Variants in RADIL observed in about 807,000 individuals in gnomAD.
RADIL encodes Rap associating with DIL domain.
Under a neutral mutation model 97.6 loss-of-function variants are expected in RADIL, and 99 were observed. The observed-to-expected ratio is 1.01, with a 90% confidence interval of 0.86 to 1.20. The LOEUF (loss-of-function observed/expected upper bound fraction) is 1.20, where lower values mean the gene tolerates loss of function less well. Ranked by LOEUF, RADIL falls within the 50% of genes most tolerant of loss-of-function variation. The pLI, the probability that RADIL is intolerant of heterozygous loss-of-function variation, is 0.00. For missense variants in RADIL, 1,765 were observed against 1,498.9 expected (o/e 1.18, Z -2.93); for synonymous variants, 803 against 691.8 (o/e 1.16, Z -2.52).
intron 11 of RADIL, among the ~76,000 whole-genome samples, chr7:4,802,715 A>T (rs1472021965): frequency 7.6e-5 from 3 of 39,482 alleles, no homozygotes; most frequent in South Asian, 9.5e-4. Flanking sequence ...TCCCCTCCCC[A>T]GGCACCTCGG....
At chr7:4,827,388 G>C (rs62450188) in intron 5 of RADIL, among the ~76,000 whole-genome samples, 1 of 147,142 alleles carries the variant, frequency 6.8e-6, no homozygotes, top group Non-Finnish European at 1.5e-5. Context: ...GGCCGGGTGC[G>C]GTGGCTCACG....
intron 2 of RADIL, among the ~76,000 whole-genome samples, chr7:4,845,575 T>C (rs1783546518): frequency 6.6e-6 from 1 of 152,166 alleles, no homozygotes; most frequent in African/African-American, 2.4e-5. Flanking sequence ...GGAGGTGACC[T>C]GACAGGTGAT....
chr7:4,825,643 G>A (rs531135259), intron 5 of RADIL, among the ~76,000 whole-genome samples: 3 of 152,070 alleles, frequency 2.0e-5, no homozygotes, highest in Non-Finnish European at 4.4e-5. Context: ...TTGGGAGGGC[G>A]AGGTGGGCAG....
chr7:4,839,104 GAGCAAGCTAC>G (rs1783380134), intron 2 of RADIL, among the ~76,000 whole-genome samples: 1 of 152,376 alleles, frequency 6.6e-6, no homozygotes, highest in South Asian at 2.1e-4. Context: ...CAGGGTGAAA[GAGCAAGCTAC>G]AGGTAACACG....
intron 1 of RADIL, among the ~76,000 whole-genome samples, chr7:4,882,474 G>A (rs1784506822): frequency 6.6e-6 from 1 of 152,208 alleles, no homozygotes; most frequent in South Asian, 2.1e-4. Flanking sequence ...TGTTCTCAAG[G>A]AAGGGTCCAG....
chr7:4,857,455 T>C (rs1371210375), intron 2 of RADIL, among the ~76,000 whole-genome samples: 1 of 152,238 alleles, frequency 6.6e-6, no homozygotes, highest in Non-Finnish European at 1.5e-5. Flanking sequence ...CTTGGTTTCA[T>C]TTCCATGACC....
At chr7:4,860,567 G>T in intron 2 of RADIL, 1 of 1,614,142 alleles carries the variant, frequency 6.2e-7, no homozygotes, top group Non-Finnish European at 8.5e-7. Context: ...ATTCACATGT[G>T]CCAGTGTAAT....
At chr7:4,868,314 G>A (rs972321156) in intron 2 of RADIL, among the ~76,000 whole-genome samples, 9 of 152,284 alleles carry the variant, frequency 5.9e-5, no homozygotes, top group South Asian at 2.1e-4. Context: ...CGCCCGCCTC[G>A]GCCTCCCAAA....
At chr7:4,811,839 G>C (rs1472610833) in intron 9 of RADIL, among the ~76,000 whole-genome samples, 1 of 151,688 alleles carries the variant, frequency 6.6e-6, no homozygotes, top group African/African-American at 2.4e-5. Flanking sequence ...TCTGGACCTT[G>C]AATCTTCTTC....
chr7:4,830,149 G>C (rs774785937), intron 5 of RADIL, among the ~76,000 whole-genome samples: 3 of 152,184 alleles, frequency 2.0e-5, no homozygotes, highest in Non-Finnish European at 4.4e-5. Context: ...GTGCGTGTGG[G>C]CATTTAACCA....
chr7:4,805,748 G>A (rs552104663), intron 9 of RADIL, 32 bp from the exon 10 acceptor site: 17 of 1,593,656 alleles, frequency 1.1e-5, no homozygotes, highest in Admixed American at 3.4e-5. Flanking sequence ...ATGGTCACAG[G>A]TCTCTGGGTG....
At chr7:4,799,573 A>T in intron 14 of RADIL, 57 bp downstream of exon 14, 1 of 1,608,924 alleles carries the variant, frequency 6.2e-7, no homozygotes, top group Non-Finnish European at 8.5e-7. Flanking sequence ...CCCCAGGTCC[A>T]CTCCCCTGAG....
chr7:4,850,299 T>TA (rs1783678100), intron 2 of RADIL, among the ~76,000 whole-genome samples: 1 of 141,120 alleles, frequency 7.1e-6, no homozygotes, highest in Non-Finnish European at 1.5e-5. Flanking sequence ...CCCTGCAGAA[T>TA]AATATAAGCA....
chr7:4,800,961 C>A, intron 12 of RADIL, among the ~76,000 whole-genome samples: 1 of 152,212 alleles, frequency 6.6e-6, no homozygotes, highest in East Asian at 1.9e-4. Context: ...GAGGCCAGGG[C>A]CGGCTGGGGC....
Position 4,836,376 on chromosome 7 carries a change from C to T in RADIL, c.765G>A (p.Gln255=). 1 of 1,574,050 alleles carries T rather than the reference C, an allele frequency of 6.4e-7. No homozygotes were observed. The highest frequency in any genetic ancestry group is 1.9e-5 in the Admixed American group (1 of 53,664). ...GGCTCACGTGCTGCTGGCTGTAGCC[C>T]TGCAGAAGGAGCAGATGCGGGGACT... ...LYQSPHLLLL[Q]GYSQQHDSLV... is the part of the protein sequence containing the mutation. The change falls in exon 3 of 15, where the codon CAG becomes CAA. Residue 255 remains glutamine, a synonymous_variant. Transcript: ENST00000399583.
chr7:4,856,361 C>T (rs572357378), intron 2 of RADIL, among the ~76,000 whole-genome samples: 4 of 152,312 alleles, frequency 2.6e-5, no homozygotes, highest in South Asian at 2.1e-4. Context: ...CCACCCGCCT[C>T]GACCTCCCAA....
chr7:4,798,691 C>G lies in RADIL; in HGVS notation c.*687G>C, dbSNP rs1005793442. Reference sequence around the variant, plus strand: ...GGCCGCCAGCCTGGTATCAGGGCCACGCTGGTGGCTTTAGTAGGGGAGAGG... The same window carrying G: ...GGCCGCCAGCCTGGTATCAGGGCCAGGCTGGTGGCTTTAGTAGGGGAGAGG... On this transcript the variant is annotated 3_prime_UTR_variant, in exon 15 of 15. Coordinates refer to ENST00000399583, the MANE Select transcript of RADIL (RefSeq NM_018059.5). The G allele has an allele frequency of 1.3e-5, 2 of 152,482 alleles. No individual in the cohort carries two copies. The highest frequency in any genetic ancestry group is 1.3e-4 in the Admixed American group (2 of 15,284). The allele number at this position is 152,482 out of a possible 1,614,324, so 9.4% of individuals were successfully genotyped here. A position where few individuals can be genotyped will look rare whatever the true frequency, so the allele number is the denominator to read the frequency against.
In RADIL at chr7:4,836,612, C is replaced by A. The variant is rs1320581018; in HGVS notation, c.536-7G>T. ...CGGGCCTGGGCGTTTATCCCTGGAA[C>A]AGAAGCAACACAAGGTGAACAGTTA... On this transcript the variant is annotated splice_region_variant and splice_polypyrimidine_tract_variant and intron_variant, in intron 2 of 14. Coordinates refer to ENST00000399583, the MANE Select transcript of RADIL (RefSeq NM_018059.5). 1 of 1,605,978 alleles carries A rather than the reference C, an allele frequency of 6.2e-7. No homozygotes were observed. The highest frequency in any genetic ancestry group is 1.7e-5 in the Admixed American group (1 of 59,898).
rs947919144 is a variant in RADIL, at chr7:4,822,325, G to A, written c.1615+69C>T. ...TCATGGCCAACTAGGTTCCGAGGAC[G>A]GCGAGGAGATGCCACACTCCCCTGC... On this transcript the variant is annotated intron_variant, in intron 6 of 14. Transcript: ENST00000399583. This position sits in a 1 kb window ranked among gnomAD's most constrained non-coding sequence, Gnocchi z 5.3. 5.1e-5 allele frequency: 76 copies of A among 1,497,520 alleles called. No individual in the cohort carries two copies. The Admixed American group carries it at 6.3e-4, about 12-fold the overall frequency. The allele number at this position is 1,497,520 out of a possible 1,614,324, so 92.8% of individuals were successfully genotyped here.
Sources: gnomAD v4.1 joint callset for allele counts (sites outside exome capture counted in the v4.1 genomes callset) on GRCh38, gnomAD v4.1.1 for gene constraint, Gnocchi (gnomAD v3.1) non-coding constraint, MANE v1.5 for transcripts, NCBI Gene and HGNC (gene_info 2026-07-23, HGNC 2026-07-21) for gene names.